The following MTUS2 variants were observed in gnomAD, a reference collection of about 807,000 sequenced individuals.
MTUS2 encodes the protein microtubule associated scaffold protein 2, also known as microtubule-associated tumor suppressor candidate 2.
Under a neutral mutation model 114.1 loss-of-function variants are expected in MTUS2, and 40 were observed. The observed-to-expected ratio is 0.35, with a 90% CI of 0.27 to 0.46. MTUS2 has a LOEUF of 0.46. Ranked by LOEUF, MTUS2 falls within the 20% of genes least tolerant of loss-of-function variation. The pLI is 1.00. For missense variants in MTUS2, 1,679 were observed against 1,705.4 expected, an observed-to-expected ratio of 0.98 and a Z score of 0.27; for synonymous variants, 688 against 672.0, an observed-to-expected ratio of 1.02 and a Z score of -0.37.
chr13:28,952,383 C>G (rs1022605852), intron 2 of MTUS2, among the ~76,000 whole-genome samples: 1 of 152,220 alleles, frequency 6.6e-6, no homozygotes, highest in East Asian at 1.9e-4. Flanking sequence ...ACTCATTATT[C>G]TGCAATTTGC....
chr13:28,872,330 C>T (rs960315180), intron 2 of MTUS2, among the ~76,000 whole-genome samples: 2 of 152,016 alleles, frequency 1.3e-5, no homozygotes, highest in African/African-American at 4.8e-5. Context: ...TGAGTAGATA[C>T]GATGGCTTTT....
At chr13:29,297,134 G>A (rs1171333582) in intron 6 of MTUS2, among the ~76,000 whole-genome samples, 1 of 151,908 alleles carries the variant, frequency 6.6e-6, no homozygotes, top group African/African-American at 2.4e-5. Flanking sequence ...TATGGTGATG[G>A]GGTCTAGTTT....
intron 9 of MTUS2, among the ~76,000 whole-genome samples, chr13:29,474,765 G>A (rs1456823203): frequency 6.6e-6 from 1 of 152,142 alleles, no homozygotes; most frequent in Non-Finnish European, 1.5e-5. Flanking sequence ...TTATGCTATA[G>A]TGGTTGTCCT....
rs1879563146 is a variant in MTUS2, at chr13:29,462,400, G to C, written c.3185-17750G>C. Among the ~76,000 whole-genome samples, 3 of 151,204 alleles carry C rather than the reference G, an allele frequency of 2.0e-5. No individual in the cohort carries two copies. In the South Asian group the frequency reaches 6.5e-4, roughly 33 times the overall value. On this transcript the variant is annotated intron_variant, in intron 9 of 15. Transcript: ENST00000612955. ...CATCTATAGTCTTCAGAGTCGCTTTGGCTGCTGTGCTGAGATTAAATGGTA... is the reference window on the plus strand; with the variant it reads ...CATCTATAGTCTTCAGAGTCGCTTTCGCTGCTGTGCTGAGATTAAATGGTA...
chr13:29,098,009 G>T (rs1252260639), intron 4 of MTUS2, among the ~76,000 whole-genome samples: 3 of 152,170 alleles, frequency 2.0e-5, no homozygotes, highest in South Asian at 2.1e-4. Context: ...GCTGAATGCA[G>T]TTATTTCACA....
chr13:28,923,549 C>T (rs936426071), intron 2 of MTUS2, among the ~76,000 whole-genome samples: 2 of 152,286 alleles, frequency 1.3e-5, no homozygotes, highest in African/African-American at 4.8e-5. Flanking sequence ...TGGTGCTGGC[C>T]GATGGGGTGG....
At chr13:28,987,984 A>G (rs1884665499) in intron 2 of MTUS2, among the ~76,000 whole-genome samples, 1 of 152,256 alleles carries the variant, frequency 6.6e-6, no homozygotes, top group Non-Finnish European at 1.5e-5. Context: ...TGTGCAATAG[A>G]ATCCTAAACC....
intron 5 of MTUS2, among the ~76,000 whole-genome samples, chr13:29,163,139 G>A (rs1208145123): frequency 6.6e-6 from 1 of 152,150 alleles, no homozygotes; most frequent in Non-Finnish European, 1.5e-5. Flanking sequence ...AAAAGTCTCA[G>A]TAATCAAGAT....
At chr13:28,996,167 T>C (rs950490756) in intron 2 of MTUS2, among the ~76,000 whole-genome samples, 3 of 152,214 alleles carry the variant, frequency 2.0e-5, no homozygotes, top group Non-Finnish European at 4.4e-5. Flanking sequence ...ATGTGGTTTT[T>C]GTCTTTGGTT....
chr13:29,360,538 G>T (rs1041692383), intron 8 of MTUS2, among the ~76,000 whole-genome samples: 1 of 152,088 alleles, frequency 6.6e-6, no homozygotes, highest in Non-Finnish European at 1.5e-5. Flanking sequence ...AGACAGCCCT[G>T]AAATTTCCAT....
chr13:29,090,289 C>T (rs1423037561), intron 4 of MTUS2, among the ~76,000 whole-genome samples: 1 of 152,168 alleles, frequency 6.6e-6, no homozygotes. Flanking sequence ...TGAGGTCAGG[C>T]ATCTCCTGTG....
intron 4 of MTUS2, among the ~76,000 whole-genome samples, chr13:29,066,882 G>C (rs904810673): frequency 6.6e-6 from 1 of 152,238 alleles, no homozygotes; most frequent in African/African-American, 2.4e-5. Context: ...GCTCTGGAAA[G>C]TTTTCTAAGC....
chr13:29,186,128 T>A (rs371736970), intron 5 of MTUS2, among the ~76,000 whole-genome samples: 7 of 152,172 alleles, frequency 4.6e-5, no homozygotes, highest in Admixed American at 4.6e-4. Context: ...GTGGGAAGAT[T>A]GCCCAAGCCA....
rs1424893098 is a variant in MTUS2, at chr13:29,102,567, GTTT to G, written c.2644+1598_2644+1600del. ...TATGTGCCAGAGAAAATAACTCCCA[GTTT>G]AAAGACTTCATACTAAAAGTCACAC... is the stretch of plus-strand genomic sequence containing the variant. On this transcript the variant is annotated intron_variant, in intron 5 of 15. Coordinates refer to ENST00000612955, the MANE Select transcript of MTUS2 (RefSeq NM_001033602.4). 3.9e-5 allele frequency among the ~76,000 whole-genome samples: 6 copies of G among 152,240 alleles called. No individual in the cohort carries two copies. The East Asian group carries it at 1.2e-3, about 29-fold the overall frequency.
At chr13:28,877,387 T>C (rs1350650151) in intron 2 of MTUS2, among the ~76,000 whole-genome samples, 1 of 152,016 alleles carries the variant, frequency 6.6e-6, no homozygotes, top group African/African-American at 2.4e-5. Context: ...AATGGAATTA[T>C]TAAAAATAAT....
chr13:29,465,670 G>A (rs1005667834), intron 9 of MTUS2, among the ~76,000 whole-genome samples: 11 of 151,892 alleles, frequency 7.2e-5, no homozygotes, highest in African/African-American at 7.3e-5. Flanking sequence ...CTGGCCTCAC[G>A]TCCCAAAACT....
intron 4 of MTUS2, among the ~76,000 whole-genome samples, chr13:29,092,336 T>G (rs1207844344): frequency 6.6e-6 from 1 of 152,206 alleles, no homozygotes; most frequent in East Asian, 1.9e-4. Flanking sequence ...TTTAGCCTTT[T>G]TTTTGCATAC....
intron 5 of MTUS2, among the ~76,000 whole-genome samples, chr13:29,190,133 C>G (rs1462083596): frequency 6.6e-6 from 1 of 152,198 alleles, no homozygotes; most frequent in Non-Finnish European, 1.5e-5. Flanking sequence ...AAATAAATGT[C>G]TATTGTTTAA....
chr13:29,180,711 C>T (rs1342339487), intron 5 of MTUS2, among the ~76,000 whole-genome samples: 1 of 152,142 alleles, frequency 6.6e-6, no homozygotes, highest in Non-Finnish European at 1.5e-5. Context: ...GTCCAGTGGC[C>T]ACCTCTGGTT....
Sources: allele counts gnomAD v4.1 joint callset (sites outside exome capture counted in the v4.1 genomes callset), GRCh38; gene constraint gnomAD v4.1.1; transcripts MANE v1.5; gene names NCBI Gene and HGNC (gene_info 2026-07-23, HGNC 2026-07-21).